GPC3: variants seen among roughly 807,000 people sequenced by gnomAD.
GPC3 encodes the protein glypican 3.
GPC3 carries 3 observed loss-of-function variants against 34.4 expected under a neutral mutation model. The observed-to-expected ratio is 0.09, with a 90% CI of 0.04 to 0.23. The LOEUF is 0.23. Ranked by LOEUF, GPC3 falls within the 10% of genes least tolerant of loss-of-function variation. The pLI, the probability that GPC3 is intolerant of heterozygous loss-of-function variation, is 1.00. For synonymous variants in GPC3, 177 were observed against 174.0 expected (o/e 1.02, Z -0.13); for missense variants, 351 against 445.6 (o/e 0.79, Z 1.91).
intron 6 of GPC3, among the ~76,000 whole-genome samples, chrX:133,604,514 G>A (rs2070025095): frequency 9.0e-6 from 1 of 111,373 alleles, no homozygotes; most frequent in Admixed American, 9.6e-5. Flanking sequence ...ATCTCATCAT[G>A]AACAGGTTTG....
At chrX:133,780,426 C>A (rs1467810499) in intron 2 of GPC3, among the ~76,000 whole-genome samples, 1 of 110,815 alleles carries the variant, frequency 9.0e-6, no homozygotes, top group Non-Finnish European at 1.9e-5. Flanking sequence ...TTCTAGAGGG[C>A]CTAGCCATTC....
chrX:133,668,553 T>G (rs187515845), intron 5 of GPC3, among the ~76,000 whole-genome samples: 127 of 110,701 alleles, frequency 1.1e-3, no homozygotes, highest in African/African-American at 4.0e-3. Flanking sequence ...TTGGTTAGTT[T>G]TTTTTTTTTT....
At chrX:133,834,635 T>G (rs1392686890) in intron 2 of GPC3, among the ~76,000 whole-genome samples, 1 of 111,982 alleles carries the variant, frequency 8.9e-6, no homozygotes, top group Non-Finnish European at 1.9e-5. Flanking sequence ...CCAAGTTCTA[T>G]TTCCATATTT....
chrX:133,841,046 T>G (rs1229463706), intron 2 of GPC3, among the ~76,000 whole-genome samples: 1 of 106,406 alleles, frequency 9.4e-6, no homozygotes, highest in Non-Finnish European at 1.9e-5. Context: ...AAAAAATTCT[T>G]CTATCAAAGT....
rs764145655 is a variant in GPC3 at position 133,692,356 on chromosome X, CA to C, written c.1292+12del. 1 of 1,209,114 alleles carries C rather than the reference CA, an allele frequency of 8.3e-7. No individual in the cohort carries two copies. Among genetic ancestry groups the C allele is most frequent in the Non-Finnish European group, 1.1e-6 (1 of 892,900 alleles). ...CTCAAATATTGCTATATGTAACTTT[CA>C]AAAAAGATCACCTCTCCACGAGTTC... On this transcript the variant is annotated intron_variant, in intron 5 of 7. Transcript: ENST00000370818.
At chrX:133,638,522 C>T (rs2070450572) in intron 6 of GPC3, among the ~76,000 whole-genome samples, 2 of 111,732 alleles carry the variant, frequency 1.8e-5, no homozygotes, top group Admixed American at 1.9e-4. Flanking sequence ...ATGTATTGTG[C>T]TCTCCTGCAT....
At chrX:133,889,443 T>C (rs898057678) in intron 2 of GPC3, among the ~76,000 whole-genome samples, 3 of 111,953 alleles carry the variant, frequency 2.7e-5, no homozygotes, top group Non-Finnish European at 3.8e-5. Context: ...TTATTCAATG[T>C]CTTTCTTATC....
At position 133,953,114 on chromosome X, in the gene GPC3, C is replaced by A. The variant is rs1017256114; in HGVS notation, c.273G>T (p.Gln91His). 3 of 1,205,430 alleles carry A rather than the reference C, an allele frequency of 2.5e-6. No individual in the cohort carries two copies. The African/African-American group carries it at 5.3e-5, about 21-fold the overall frequency. ...YQLTARLNME[Q>H]LLQSASMELK... ...GCTCCATACTTGCAGACTGAAGCAG[C>A]TGTTCCATGTTCAATCGTGCTGTTA... Residue 91 changes from glutamine to histidine, a missense_variant, in exon 2 of 8, where the codon CAG (glutamine) becomes CAT (histidine). By Grantham distance (24) the Gln-to-His change is conservative. Coordinates refer to ENST00000370818, the MANE Select transcript of GPC3 (RefSeq NM_004484.4).
intron 7 of GPC3, among the ~76,000 whole-genome samples, chrX:133,547,447 G>A (rs764480801): frequency 9.0e-6 from 1 of 110,935 alleles, no homozygotes; most frequent in South Asian, 3.9e-4. Flanking sequence ...TTGTAGAGGG[G>A]TCTGTGTGTG....
At chrX:133,731,779 A>G (rs1301330462) in intron 3 of GPC3, among the ~76,000 whole-genome samples, 1 of 112,640 alleles carries the variant, frequency 8.9e-6, no homozygotes, top group Non-Finnish European at 1.9e-5. Flanking sequence ...AAGACAAAAC[A>G]AGGAAATGTC....
chrX:133,935,608 T>C (rs895000275), intron 2 of GPC3, among the ~76,000 whole-genome samples: 2 of 111,636 alleles, frequency 1.8e-5, no homozygotes, highest in African/African-American at 6.5e-5. Flanking sequence ...TATTTAATGA[T>C]TTGCAGTGCT....
intron 1 of GPC3, among the ~76,000 whole-genome samples, chrX:133,962,847 T>C (rs182846347): frequency 2.9e-4 from 32 of 111,895 alleles, no homozygotes; most frequent in African/African-American, 9.7e-4. Flanking sequence ...CTCCCCAACA[T>C]GTATGAAATC....
chrX:133,969,263 T>C (rs1399666306), intron 1 of GPC3, among the ~76,000 whole-genome samples: 2 of 111,359 alleles, frequency 1.8e-5, no homozygotes, highest in East Asian at 5.6e-4. Flanking sequence ...AAGAAGAGAC[T>C]CAATTATCCA....
intron 6 of GPC3, among the ~76,000 whole-genome samples, chrX:133,622,099 T>C (rs1340462474): frequency 1.8e-5 from 2 of 111,917 alleles, no homozygotes; most frequent in African/African-American, 6.5e-5. Flanking sequence ...TTCTGACTGT[T>C]AGAAGGAAAA....
chrX:133,607,038 C>T (rs1213568637), intron 6 of GPC3, among the ~76,000 whole-genome samples: 1 of 111,197 alleles, frequency 9.0e-6, no homozygotes, highest in Non-Finnish European at 1.9e-5. Context: ...ATTATTGAGT[C>T]ACAACTATTA....
At chrX:133,928,775 T>A (rs771440861) in intron 2 of GPC3, among the ~76,000 whole-genome samples, 36 of 112,162 alleles carry the variant, frequency 3.2e-4, no homozygotes, top group Non-Finnish European at 6.2e-4. Context: ...CATTTTTAAA[T>A]CAAGTTATAT....
chrX:133,678,353 AG>A (rs1229516507), intron 5 of GPC3, among the ~76,000 whole-genome samples: 7 of 111,809 alleles, frequency 6.3e-5, no homozygotes, highest in African/African-American at 2.0e-4. Context: ...TGCATCAGGG[AG>A]GAAAAGGTAA....
intron 2 of GPC3, among the ~76,000 whole-genome samples, chrX:133,842,081 C>T (rs1159226789): frequency 3.6e-5 from 4 of 111,901 alleles, no homozygotes; most frequent in African/African-American, 1.3e-4. Context: ...CTTTGGGAGA[C>T]AGAGGCGGGC....
chrX:133,562,126 T>C lies in GPC3; in HGVS notation c.1574-25833A>G, dbSNP rs7876841. ...TGTACATGCACAGACATACAGGCAT[T>C]CTGTTTTAACTTTGAGAGAATTTTA... On this transcript the variant is annotated intron_variant, in intron 7 of 7. Coordinates refer to ENST00000370818, the MANE Select transcript of GPC3 (RefSeq NM_004484.4). Among the ~76,000 whole-genome samples, 1,043 of 112,248 alleles carry C rather than the reference T, an allele frequency of 9.3e-3. 13 individuals are homozygous for C. The highest frequency in any genetic ancestry group is 0.032 in the African/African-American group (980 of 30,943).
Sources: gnomAD v4.1 joint callset for allele counts (sites outside exome capture counted in the v4.1 genomes callset) on GRCh38, gnomAD v4.1.1 for gene constraint, MANE v1.5 for transcripts, NCBI Gene and HGNC (gene_info 2026-07-23, HGNC 2026-07-21) for gene names.